FBXL3: variants seen among roughly 807,000 people sequenced by gnomAD.
FBXL3 encodes the protein F-box and leucine rich repeat protein 3.
A neutral mutation model predicts 37.9 loss-of-function variants in FBXL3; 14 were observed. That is an observed-to-expected ratio of 0.37 (90% CI 0.24 to 0.58). The LOEUF (loss-of-function observed/expected upper bound fraction) is 0.58. Among genes scored for constraint, FBXL3 ranks in the 20% least tolerant of loss-of-function variants. The pLI, the probability that FBXL3 is intolerant of heterozygous loss-of-function variation, is 0.74. For synonymous variants in FBXL3, 194 were observed against 180.1 expected (o/e 1.08, Z -0.62); for missense variants, 327 against 511.1 (o/e 0.64, Z 3.47).
intron 4 of FBXL3, among the ~76,000 whole-genome samples, chr13:77,011,340 T>C (rs1278118514): frequency 2.1e-5 from 2 of 95,844 alleles, no homozygotes; most frequent in Non-Finnish European, 3.5e-5. Context: ...GGAGACTTTG[T>C]CTCCAAAAAA....
chr13:77,018,844 T>C (rs1172927119), intron 2 of FBXL3, 122 bp from the exon 3 acceptor site: 1 of 767,036 alleles, frequency 1.3e-6, no homozygotes, highest in Admixed American at 3.8e-5. Context: ...CATATTCATT[T>C]TATAGAAGTA....
At chr13:77,020,790 T>G (rs7993245) in intron 2 of FBXL3, among the ~76,000 whole-genome samples, 7,863 of 152,226 alleles carry the variant, frequency 0.052, 357 homozygotes, top group East Asian at 0.19. Flanking sequence ...GTAGTACAGC[T>G]GCACAATCAT....
intron 2 of FBXL3, among the ~76,000 whole-genome samples, chr13:77,020,069 A>C (rs1253705151): frequency 1.3e-5 from 2 of 152,138 alleles, no homozygotes; most frequent in Admixed American, 6.5e-5. Context: ...ACTAAAACCA[A>C]ACAGAAACCT....
intron 1 of FBXL3, chr13:77,026,349 G>GACT: frequency 1.0e-6 from 1 of 985,012 alleles, no homozygotes; most frequent in Non-Finnish European, 1.2e-6. Context: ...CCTCCCCACC[G>GACT]ACTGGCTTCC....
At chr13:77,022,610 A>G (rs889530782) in intron 1 of FBXL3, among the ~76,000 whole-genome samples, 5 of 152,178 alleles carry the variant, frequency 3.3e-5, no homozygotes, top group African/African-American at 1.2e-4. Context: ...ACTGCCAGAC[A>G]TTTCTTAACT....
chr13:77,015,180 C>G (rs573376197), intron 4 of FBXL3: 3 of 317,464 alleles, frequency 9.4e-6, no homozygotes, highest in Non-Finnish European at 1.7e-5. Flanking sequence ...CATTTTCTAG[C>G]ATGTGCTATT....
rs200615507 is a variant in FBXL3 at position 77,018,568 on chromosome 13, G to GT, written c.471+31dup. The GT allele has an allele frequency of 8.2e-3, 12,471 of 1,526,774 alleles. 61 individuals are homozygous for GT. The highest frequency in any genetic ancestry group is 9.3e-3 in the Non-Finnish European group (10,633 of 1,140,222). 94.6% of individuals were successfully genotyped at this position (1,526,774 alleles called of 1,614,324 possible). ...GATTAGACTTTCACTGAATTTCTCA[G>GT]TAATAGATAATAAAACAAAAACAGC... is the stretch of plus-strand genomic sequence containing the variant. On this transcript the variant is annotated intron_variant, in intron 3 of 4. Transcript: ENST00000355619.
Position 77,007,788 on chromosome 13 carries a change from C to T in FBXL3, c.644G>A (p.Gly215Asp). ...ACACTGATCAGCCACACAAAGGATA[C>T]CTTGAAAGAAAAAAAAAATTATTTG... Reference protein sequence around the residue: ...MSSCPHVSPAGILCVADQCHG... With the variant: ...MSSCPHVSPADILCVADQCHG... The change falls in exon 5 of 5, where the codon GGT becomes GAT. Residue 215 changes from glycine to aspartate, a missense_variant and splice_region_variant. Gly to Asp is a moderately conservative substitution (Grantham distance 94). Coordinates refer to ENST00000355619, the MANE Select transcript of FBXL3 (RefSeq NM_012158.4). 1 of 1,540,108 alleles carries T rather than the reference C, an allele frequency of 6.5e-7. No individual in the cohort carries two copies. Among genetic ancestry groups the T allele is most frequent in the Non-Finnish European group, 8.7e-7 (1 of 1,144,418 alleles).
At chr13:77,026,605 T>G (rs1295691849) in intron 1 of FBXL3, among the ~76,000 whole-genome samples, 1 of 151,686 alleles carries the variant, frequency 6.6e-6, no homozygotes, top group Non-Finnish European at 1.5e-5. Context: ...CTTGTTGACA[T>G]GTTTGGAAGC....
chr13:77,011,579 C>T (rs567124377), intron 4 of FBXL3, among the ~76,000 whole-genome samples: 12 of 151,938 alleles, frequency 7.9e-5, no homozygotes, highest in African/African-American at 2.7e-4. Context: ...AAGTATTAGC[C>T]GGGCATAATG....
chr13:77,018,757 T>G, intron 2 of FBXL3, 35 bp from the exon 3 acceptor site: 1 of 1,486,122 alleles, frequency 6.7e-7, no homozygotes, highest in Non-Finnish European at 9.0e-7. Context: ...CATGAATATT[T>G]TATTATTTTT....
intron 1 of FBXL3, among the ~76,000 whole-genome samples, chr13:77,025,772 C>T (rs959232988): frequency 1.3e-5 from 2 of 150,612 alleles, no homozygotes; most frequent in African/African-American, 2.4e-5. Flanking sequence ...CCGTGTGCAT[C>T]GTTGTATTAG....
At position 77,007,439 on chromosome 13, in the gene FBXL3, G is replaced by A. The variant is rs751724560; in HGVS notation, c.993C>T (p.Cys331=). The change falls in exon 5 of 5, where the codon TGC becomes TGT. Residue 331 remains cysteine, a synonymous_variant. Coordinates refer to ENST00000355619, the MANE Select transcript of FBXL3 (RefSeq NM_012158.4). ...ACACTACTAGTTCAACCAGTCTAGG[G>A]CATGTCATTCCCACACGGCCAAGCA... ...KDVLGRVGMT[C]PRLVELVVCA... is the part of the protein sequence containing the mutation. The A allele has an allele frequency of 1.2e-6, 2 of 1,613,984 alleles. No homozygotes were observed. The highest frequency in any genetic ancestry group is 4.5e-5 in the East Asian group (2 of 44,890).
chr13:77,017,704 A>G (rs1287897712), intron 3 of FBXL3: 1 of 152,178 alleles, frequency 6.6e-6, no homozygotes, highest in Non-Finnish European at 1.5e-5. Context: ...TTTTATCTCA[A>G]AATATACATA....
chr13:77,026,044 T>C (rs2034832669), intron 1 of FBXL3: 1 of 417,230 alleles, frequency 2.4e-6, no homozygotes, highest in Non-Finnish European at 3.2e-6. Flanking sequence ...TTTTTATAAA[T>C]ATTTCAGAGA....
intron 4 of FBXL3, among the ~76,000 whole-genome samples, chr13:77,008,310 T>C (rs1462642571): frequency 6.6e-6 from 1 of 152,224 alleles, no homozygotes; most frequent in African/African-American, 2.4e-5. Context: ...TAATTGCTAA[T>C]AGCATATAAG....
intron 4 of FBXL3, among the ~76,000 whole-genome samples, chr13:77,011,289 G>A (rs1238214430): frequency 3.5e-5 from 5 of 144,664 alleles, no homozygotes; most frequent in African/African-American, 1.1e-4. Context: ...GCAGTGAGCC[G>A]AGATCAATGC....
chr13:77,007,564 C>T lies in FBXL3; in HGVS notation c.868G>A (p.Val290Met). Residue 290 changes from valine (V) to methionine (M), a missense_variant, in exon 5 of 5, where the codon GTG becomes ATG. By Grantham distance (21) the Val-to-Met change is conservative (BLOSUM62 1). Coordinates refer to ENST00000355619, the MANE Select transcript of FBXL3 (RefSeq NM_012158.4). ...TCTTCATATAAAAAAAAATACATCA[C>T]TAAGTTCACTTTGGGTGAATGTCTG... ...FIRHSPKVNLVMYFFLYEEEF... is the reference protein window; with the variant it reads ...FIRHSPKVNLMMYFFLYEEEF... 6.2e-7 allele frequency: 1 copy of T among 1,614,112 alleles called. No homozygotes were observed. The highest frequency in any genetic ancestry group is 1.3e-5 in the African/African-American group (1 of 75,030).
At chr13:77,024,965 T>G (rs1365258912) in intron 1 of FBXL3, among the ~76,000 whole-genome samples, 1 of 152,218 alleles carries the variant, frequency 6.6e-6, no homozygotes, top group Non-Finnish European at 1.5e-5. Flanking sequence ...TAAATGTCAA[T>G]TTTTCCAAGT....
Sources: gnomAD v4.1 joint callset for allele counts (sites outside exome capture counted in the v4.1 genomes callset) on GRCh38, gnomAD v4.1.1 for gene constraint, MANE v1.5 for transcripts, NCBI Gene and HGNC (gene_info 2026-07-23, HGNC 2026-07-21) for gene names.